ZBTB16: variants seen among roughly 807,000 people sequenced by gnomAD.
The protein encoded by ZBTB16 is zinc finger and BTB domain-containing protein 16.
Under a neutral mutation model 56.8 loss-of-function variants are expected in ZBTB16, and 8 were observed. The ratio of observed to expected loss-of-function variants is 0.14; its 90% confidence interval spans 0.08 to 0.25. The LOEUF (loss-of-function observed/expected upper bound fraction) is 0.25. Among genes scored for constraint, ZBTB16 ranks in the 10% least tolerant of loss-of-function variants. The pLI, the probability that ZBTB16 is intolerant of heterozygous loss-of-function variation, is 1.00. For missense variants in ZBTB16, 625 were observed against 903.0 expected (o/e 0.69, Z 3.95); for synonymous variants, 363 against 368.5 (o/e 0.98, Z 0.17).
At chr11:114,091,628 C>CCCTT (rs747168846) in intron 2 of ZBTB16, among the ~76,000 whole-genome samples, 1 of 140,102 alleles carries the variant, frequency 7.1e-6, no homozygotes, top group Non-Finnish European at 1.5e-5. Context: ...CTCCCTTCCT[C>CCCTT]CCTTCCTTCC....
intron 4 of ZBTB16, among the ~76,000 whole-genome samples, chr11:114,216,391 C>T (rs1205193326): frequency 6.6e-6 from 1 of 152,148 alleles, no homozygotes; most frequent in Non-Finnish European, 1.5e-5. Flanking sequence ...CTTGTCCCAC[C>T]CTTACTAGGC....
At chr11:114,124,221 C>G (rs538822600) in intron 2 of ZBTB16, among the ~76,000 whole-genome samples, 1 of 152,132 alleles carries the variant, frequency 6.6e-6, no homozygotes, top group South Asian at 2.1e-4. Context: ...CTTATGGAAG[C>G]AAACAGCCTT....
Position 114,256,382 on chromosome 11 carries a change from C to T in ZBTB16, c.*5827C>T, listed in dbSNP as rs943636089. 4.6e-5 allele frequency among the ~76,000 whole-genome samples: 7 copies of T among 152,096 alleles called. No individual in the cohort carries two copies. Among genetic ancestry groups the T allele is most frequent in the African/African-American group, 1.7e-4 (7 of 41,406 alleles). On this transcript the variant is annotated 3_prime_UTR_variant, in exon 7 of 7. Transcript: ENST00000335953. ...GGCCGCCCTGGGGCTACCATGCTAG[C>T]GGGCCGCTGAGTCGGAATCCGTGGC...
At chr11:114,178,041 T>C (rs1943158566) in intron 3 of ZBTB16, among the ~76,000 whole-genome samples, 1 of 152,178 alleles carries the variant, frequency 6.6e-6, no homozygotes, top group Non-Finnish European at 1.5e-5. Context: ...CATTAAACAT[T>C]GGCCATGAGT....
chr11:114,150,467 T>G (rs1229119768), intron 2 of ZBTB16, among the ~76,000 whole-genome samples: 1 of 152,146 alleles, frequency 6.6e-6, no homozygotes, highest in Non-Finnish European at 1.5e-5. Flanking sequence ...AGACCTCGTC[T>G]CTATTAAAAA....
chr11:114,108,881 T>C (rs530467372), intron 2 of ZBTB16, among the ~76,000 whole-genome samples: 1 of 152,388 alleles, frequency 6.6e-6, no homozygotes, highest in South Asian at 2.1e-4. Flanking sequence ...CTTGGATTTC[T>C]TTGTGGCTAT....
At chr11:114,198,408 AG>A (rs56098429) in intron 4 of ZBTB16, among the ~76,000 whole-genome samples, 152,129 of 152,130 alleles carry the variant, frequency 1, 76,064 homozygotes, top group Middle Eastern at 1. Context: ...TTCCAAGCAC[AG>A]GGGCTCTCGG....
chr11:114,061,099 C>T (rs1938835740), intron 1 of ZBTB16, among the ~76,000 whole-genome samples: 1 of 152,020 alleles, frequency 6.6e-6, no homozygotes, highest in African/African-American at 2.4e-5. Context: ...AGTTGCTTCC[C>T]CAAGTTTGCT....
At chr11:114,067,357 T>G (rs1348569650) in intron 2 of ZBTB16, among the ~76,000 whole-genome samples, 1 of 152,158 alleles carries the variant, frequency 6.6e-6, no homozygotes, top group Non-Finnish European at 1.5e-5. Context: ...ACACTGGCCC[T>G]GGAATCCTCC....
intron 4 of ZBTB16, among the ~76,000 whole-genome samples, 191 bp from the exon 5 acceptor site, chr11:114,241,976 G>A (rs112614988): frequency 5.9e-5 from 9 of 152,192 alleles, no homozygotes; most frequent in African/African-American, 1.2e-4. Flanking sequence ...CGGGAACGAC[G>A]TCGATTTTGC....
chr11:114,218,268 T>C (rs745875343), intron 4 of ZBTB16, among the ~76,000 whole-genome samples: 3 of 152,208 alleles, frequency 2.0e-5, no homozygotes, highest in Non-Finnish European at 2.9e-5. Flanking sequence ...TTTGCACATG[T>C]GTCTCTCTTT....
In ZBTB16 at chr11:114,205,989, T is replaced by C. The variant is rs1019657840; in HGVS notation, c.1453+18951T>C. On this transcript the variant is annotated intron_variant, in intron 4 of 6. Transcript: ENST00000335953. ...GTCTAGAGGGCAAGGTCTTGGCCAC[T>C]GACCTCATCTGGCTCCCTAGCTTAG... is the stretch of plus-strand genomic sequence containing the variant. Among the ~76,000 whole-genome samples, 7 of 152,194 alleles carry C rather than the reference T, an allele frequency of 4.6e-5. No individual in the cohort carries two copies. The East Asian group carries it at 1.3e-3, about 29-fold the overall frequency.
intron 3 of ZBTB16, among the ~76,000 whole-genome samples, chr11:114,174,450 G>T (rs1943053427): frequency 6.6e-6 from 1 of 152,172 alleles, no homozygotes; most frequent in African/African-American, 2.4e-5. Flanking sequence ...GGAAGCCAAG[G>T]TGGGCGGATC....
intron 3 of ZBTB16, among the ~76,000 whole-genome samples, chr11:114,179,277 A>T (rs1014580693): frequency 1.0e-5 from 1 of 99,060 alleles, no homozygotes; most frequent in Non-Finnish European, 1.9e-5. Context: ...CAAGAGAGAG[A>T]GCTAGAGAGA....
chr11:114,224,123 T>C (rs780341662), intron 4 of ZBTB16, among the ~76,000 whole-genome samples: 1 of 152,210 alleles, frequency 6.6e-6, no homozygotes, highest in Non-Finnish European at 1.5e-5. Context: ...AAAGTTACTT[T>C]GACTACTTGG....
intron 4 of ZBTB16, among the ~76,000 whole-genome samples, chr11:114,239,670 A>G (rs1413014644): frequency 6.6e-6 from 1 of 152,010 alleles, no homozygotes; most frequent in Non-Finnish European, 1.5e-5. Context: ...GTGGGATTGG[A>G]AGGCCTCAGA....
chr11:114,172,041 G>A (rs1226046805), intron 3 of ZBTB16, among the ~76,000 whole-genome samples: 1 of 152,208 alleles, frequency 6.6e-6, no homozygotes, highest in Non-Finnish European at 1.5e-5. Flanking sequence ...TGGTCCAGGT[G>A]AGTTTCCAGG....
At chr11:114,119,970 C>T (rs1465699852) in intron 2 of ZBTB16, among the ~76,000 whole-genome samples, 13 of 152,252 alleles carry the variant, frequency 8.5e-5, no homozygotes, top group African/African-American at 2.6e-4. Flanking sequence ...CTAGACTGAG[C>T]GCCTTTCTTA....
In ZBTB16 at chr11:114,251,271, G is replaced by A. The variant is rs898936951; in HGVS notation, c.*716G>A. ...AGTCCCAGCCCCTCAGGGACCTGGC[G>A]GTGTCTCCATCCTTCTCCGGTTCCC... is the stretch of plus-strand genomic sequence containing the variant. On this transcript the variant is annotated 3_prime_UTR_variant, in exon 7 of 7. Coordinates refer to ENST00000335953, the MANE Select transcript of ZBTB16 (RefSeq NM_006006.6). Among the ~76,000 whole-genome samples the A allele has an allele frequency of 6.6e-5, 10 of 152,142 alleles. No homozygotes were observed. The highest frequency in any genetic ancestry group is 1.9e-4 in the African/African-American group (8 of 41,502).
Sources: allele counts gnomAD v4.1 joint callset (sites outside exome capture counted in the v4.1 genomes callset), GRCh38; gene constraint gnomAD v4.1.1; transcripts MANE v1.5; gene names NCBI Gene and HGNC (gene_info 2026-07-23, HGNC 2026-07-21).